The following LYZL4 variants were observed in gnomAD, a reference collection of about 807,000 sequenced individuals.
LYZL4 encodes the protein lysozyme-like protein 4.
Under a neutral mutation model 17.6 loss-of-function variants are expected in LYZL4, and 13 were observed. The ratio of observed to expected loss-of-function variants is 0.74; its 90% CI spans 0.48 to 1.18. LYZL4 has a LOEUF of 1.18. LYZL4 is among the 50% of genes most tolerant of loss of function. The probability of loss-of-function intolerance (pLI) is 0.00; values close to 1 mark genes in which losing one functional copy is unlikely to be tolerated. For synonymous variants in LYZL4, 64 were observed against 67.7 expected (o/e 0.95, Z 0.27); for missense variants, 174 against 188.2 (o/e 0.92, Z 0.44).
intron 4 of LYZL4, 37 bp downstream of exon 4, chr3:42,404,009 G>T: frequency 7.1e-7 from 1 of 1,407,400 alleles, no homozygotes; most frequent in Non-Finnish European, 1.0e-6. Context: ...ATGAGTGAAA[G>T]TCGTTAATAC....
intron 4 of LYZL4, among the ~76,000 whole-genome samples, chr3:42,402,635 G>A (rs1698677495): frequency 1.3e-5 from 2 of 152,210 alleles, no homozygotes; most frequent in African/African-American, 4.8e-5. Flanking sequence ...GGTTGAGAAT[G>A]TGAAGCAACT....
chr3:42,376,948 T>G, the LYZL4 span, among the ~76,000 whole-genome samples: 3 of 152,234 alleles, frequency 2.0e-5, no homozygotes, highest in African/African-American at 7.2e-5. Flanking sequence ...AATGGCATAT[T>G]AAATCATTCA....
chr3:42,384,690 G>A, the LYZL4 span, among the ~76,000 whole-genome samples: 1 of 152,226 alleles, frequency 6.6e-6, no homozygotes, highest in Non-Finnish European at 1.5e-5. Context: ...AGAGCACTCT[G>A]TGGCTCAGCT....
At chr3:42,395,516 C>T (rs145737097), downstream of LYZL4, among the ~76,000 whole-genome samples, 1 of 152,228 alleles carries the variant, frequency 6.6e-6, no homozygotes, top group Non-Finnish European at 1.5e-5. Context: ...CACACGAAAG[C>T]AGGGAAGATA....
intron 1 of LYZL4, among the ~76,000 whole-genome samples, chr3:42,408,061 C>G (rs2125603829): frequency 6.6e-6 from 1 of 152,262 alleles, no homozygotes; most frequent in Middle Eastern, 3.4e-3. Context: ...GTGGCTGCCA[C>G]CATCTAAACC....
At chr3:42,386,395 G>GCCCCCCCCCCCC in the LYZL4 span, among the ~76,000 whole-genome samples, 7 of 107,462 alleles carry the variant, frequency 6.5e-5, no homozygotes, top group Admixed American at 9.8e-5. Flanking sequence ...GAGCCACCAC[G>GCCCCCCCCCCCC]CCCCCCCCCC....
At chr3:42,373,807 G>A in the LYZL4 span, among the ~76,000 whole-genome samples, 1 of 152,150 alleles carries the variant, frequency 6.6e-6, no homozygotes, top group Non-Finnish European at 1.5e-5. Flanking sequence ...TTAAAGTCCA[G>A]TGTCAGAAAT....
chr3:42,404,026 C>T lies in LYZL4; in HGVS notation c.371+20G>A, dbSNP rs757292838. 6.5e-7 allele frequency: 1 copy of T among 1,547,064 alleles called. No individual in the cohort carries two copies. The highest frequency in any genetic ancestry group is 8.9e-7 in the Non-Finnish European group (1 of 1,120,646). On this transcript the variant is annotated intron_variant, in intron 4 of 4. Coordinates refer to ENST00000287748, the MANE Select transcript of LYZL4 (RefSeq NM_144634.4). ...GAGTGAAAGTCGTTAATACAGGCTA[C>T]ATAAAAATGTAAGACTTACCATGCT... is the stretch of plus-strand genomic sequence containing the variant.
the LYZL4 span, among the ~76,000 whole-genome samples, chr3:42,376,683 C>G: frequency 6.6e-6 from 1 of 152,202 alleles, no homozygotes; most frequent in Non-Finnish European, 1.5e-5. Context: ...ATGAGCAGCA[C>G]CTGGCCCTAT....
chr3:42,363,900 C>T, the LYZL4 span, among the ~76,000 whole-genome samples: 1 of 152,330 alleles, frequency 6.6e-6, no homozygotes, highest in Non-Finnish European at 1.5e-5. Context: ...ATCACCCTTT[C>T]CCAACAGTGA....
At chr3:42,392,742 C>T (rs1402316404), downstream of LYZL4, among the ~76,000 whole-genome samples, 1 of 152,050 alleles carries the variant, frequency 6.6e-6, no homozygotes, top group East Asian at 1.9e-4. Flanking sequence ...AGGACCAATC[C>T]TTAGAGATTC....
chr3:42,407,496 C>A (rs1698780391), intron 1 of LYZL4, 153 bp from the exon 2 acceptor site: 1 of 539,138 alleles, frequency 1.9e-6, no homozygotes, highest in Non-Finnish European at 3.3e-6. Context: ...CTCCTCTTGA[C>A]CTCCTATTTT....
At chr3:42,380,912 A>G in the LYZL4 span, among the ~76,000 whole-genome samples, 17 of 152,262 alleles carry the variant, frequency 1.1e-4, no homozygotes, top group Non-Finnish European at 5.9e-5. Flanking sequence ...TGGCCATGTT[A>G]TTGGCTTTGG....
intron 4 of LYZL4, among the ~76,000 whole-genome samples, chr3:42,400,780 G>A (rs887145816): frequency 2.0e-5 from 3 of 152,054 alleles, no homozygotes; most frequent in Admixed American, 6.6e-5. Context: ...AATGTGGGAC[G>A]GGGGGAGAAA....
chr3:42,398,323 T>C (rs1413464957), intron 4 of LYZL4, among the ~76,000 whole-genome samples: 4 of 152,164 alleles, frequency 2.6e-5, no homozygotes, highest in African/African-American at 9.7e-5. Flanking sequence ...ACCTCAGCAA[T>C]AAGAAGGCCT....
At chr3:42,390,846 A>G in the LYZL4 span, among the ~76,000 whole-genome samples, 3 of 152,236 alleles carry the variant, frequency 2.0e-5, no homozygotes, top group African/African-American at 7.2e-5. Flanking sequence ...CCCTTGGGTC[A>G]GTGAGTTACT....
In LYZL4 at chr3:42,397,152, C is replaced by T; in HGVS notation, c.*113G>A. On this transcript the variant is annotated 3_prime_UTR_variant, in exon 5 of 5. Transcript: ENST00000287748. The stretch of plus-strand genomic sequence containing the variant: ...GAAGCAAACTTTTGTCTTTTTCCAT[C>T]TGGAACTCTTAAAGTGGTGAGATCA... 1.3e-6 allele frequency: 1 copy of T among 764,330 alleles called. No individual in the cohort carries two copies. The highest frequency in any genetic ancestry group is 2.1e-5 in the South Asian group (1 of 48,566). 47.3% of individuals were successfully genotyped at this position (764,330 alleles called of 1,614,324 possible).
the LYZL4 span, among the ~76,000 whole-genome samples, chr3:42,364,414 C>T: frequency 6.9e-6 from 1 of 144,982 alleles, no homozygotes; most frequent in Non-Finnish European, 1.5e-5. Flanking sequence ...ACGATCTTGG[C>T]TCACTGCAAC....
At chr3:42,376,069 C>T in the LYZL4 span, among the ~76,000 whole-genome samples, 6 of 152,182 alleles carry the variant, frequency 3.9e-5, no homozygotes, top group Non-Finnish European at 8.8e-5. Context: ...AACCAAGATT[C>T]TACCCACATA....
Sources: allele counts gnomAD v4.1 joint callset (sites outside exome capture counted in the v4.1 genomes callset), GRCh38; gene constraint gnomAD v4.1.1; transcripts MANE v1.5; gene names NCBI Gene and HGNC (gene_info 2026-07-23, HGNC 2026-07-21).